The following COL11A1 variants were observed in gnomAD, a reference collection of about 807,000 sequenced individuals.
COL11A1 encodes collagen alpha-1(XI) chain.
Under a neutral mutation model 265.2 loss-of-function variants are expected in COL11A1, and 74 were observed. That is an observed-to-expected ratio of 0.28 (90% CI 0.23 to 0.34). The LOEUF is 0.34. COL11A1 is among the 10% of genes least tolerant of loss of function. The pLI is 1.00. For synonymous variants in COL11A1, 816 were observed against 727.6 expected (o/e 1.12, Z -1.96); for missense variants, 2,165 against 2,263.6 (o/e 0.96, Z 0.88).
chr1:103,064,036 T>C (rs1670878214), intron 4 of COL11A1, among the ~76,000 whole-genome samples: 1 of 152,110 alleles, frequency 6.6e-6, no homozygotes, highest in Non-Finnish European at 1.5e-5. Flanking sequence ...ATAGGGCTGT[T>C]TTGGGGCAAA....
intron 66 of COL11A1, 142 bp from the exon 67 acceptor site, chr1:102,878,307 T>C (rs1050422851): frequency 1.9e-5 from 13 of 674,636 alleles, no homozygotes; most frequent in East Asian, 8.6e-5. Context: ...ATCTATGTAA[T>C]AATTCTTATC....
Position 102,887,032 on chromosome 1 carries a change from G to GTCCAAT in COL11A1, c.4632_4633insATTGGA (p.Gln1544_Pro1545insIleGly). On this transcript the variant is annotated inframe_insertion, in exon 63 of 67. Coordinates refer to ENST00000370096, the MANE Select transcript of COL11A1 (RefSeq NM_001854.4). ...TTTTTGGAGGACAAGATTGGTAAAG[G>GTCCAAT]CTGAATGACTTCACCAGGTGGACCC... The GTCCAAT allele has an allele frequency of 6.2e-7, 1 of 1,613,802 alleles. No individual in the cohort carries two copies. Among genetic ancestry groups the GTCCAAT allele is most frequent in the Non-Finnish European group, 8.5e-7 (1 of 1,179,798 alleles).
chr1:103,009,413 T>C (rs1665919569), intron 14 of COL11A1, among the ~76,000 whole-genome samples: 1 of 151,748 alleles, frequency 6.6e-6, no homozygotes, highest in Non-Finnish European at 1.5e-5. Flanking sequence ...AAACTCCATC[T>C]CAAAAAATAA....
At chr1:103,023,145 C>T (rs1667238199) in intron 7 of COL11A1, 149 bp from the exon 8 acceptor site, 1 of 751,220 alleles carries the variant, frequency 1.3e-6, no homozygotes, top group Non-Finnish European at 2.2e-6. Flanking sequence ...AGTAGGCTTT[C>T]AGTATCATTG....
rs1432642387 is a variant in COL11A1 at position 102,987,692 on chromosome 1, G to A, written c.2443C>T (p.Pro815Ser). 6.2e-7 allele frequency: 1 copy of A among 1,613,516 alleles called. No individual in the cohort carries two copies. Among genetic ancestry groups the A allele is most frequent in the South Asian group, 1.1e-5 (1 of 91,078 alleles). Reference sequence around the variant, plus strand: ...CCAGTTGGGCCTGCTCGACCTTTGGGTCCTTCAGGGCCATCTTCCCCTCTT... The same window carrying A: ...CCAGTTGGGCCTGCTCGACCTTTGGATCCTTCAGGGCCATCTTCCCCTCTT... Reference protein sequence around the residue: ...GPRGEDGPEGPKGRAGPTGDP... With the variant: ...GPRGEDGPEGSKGRAGPTGDP... The change falls in exon 30 of 67, where the codon CCC becomes TCC. Residue 815 changes from proline to serine, a missense_variant. By Grantham distance (74) the Pro-to-Ser change is moderately conservative (BLOSUM62 -1). Coordinates refer to ENST00000370096, the MANE Select transcript of COL11A1 (RefSeq NM_001854.4).
intron 1 of COL11A1, among the ~76,000 whole-genome samples, chr1:103,084,792 C>A (rs1672724151): frequency 1.3e-5 from 2 of 152,128 alleles, no homozygotes; most frequent in Admixed American, 1.3e-4. Context: ...CTCTTGGAAA[C>A]TTCTACATTG....
Position 103,101,346 on chromosome 1 carries a change from G to A in COL11A1, c.106+6727C>T, listed in dbSNP as rs567564383. On this transcript the variant is annotated intron_variant, in intron 1 of 66. Coordinates refer to ENST00000370096, the MANE Select transcript of COL11A1 (RefSeq NM_001854.4). ...AGAGTAACAGTCAGCAGTAGGTTGAGCTCCACTCTTAGACTCTAAAGACAG... is the reference window on the plus strand; with the variant it reads ...AGAGTAACAGTCAGCAGTAGGTTGAACTCCACTCTTAGACTCTAAAGACAG... Among the ~76,000 whole-genome samples the A allele has an allele frequency of 1.1e-4, 16 of 152,102 alleles. No homozygotes were observed. The South Asian group carries it at 1.9e-3, about 18-fold the overall frequency.
intron 4 of COL11A1, among the ~76,000 whole-genome samples, chr1:103,037,663 T>G (rs1035915800): frequency 2.6e-5 from 4 of 152,278 alleles, no homozygotes; most frequent in Admixed American, 6.5e-5. Context: ...TCAATTATAA[T>G]TGAAAAATGA....
chr1:102,966,708 C>CACAG (rs140944610), intron 37 of COL11A1, among the ~76,000 whole-genome samples: 1 of 151,816 alleles, frequency 6.6e-6, no homozygotes, highest in Non-Finnish European at 1.5e-5. Context: ...TACATACACA[C>CACAG]ATACCTAAAC....
chr1:102,876,630 A>C lies in COL11A1; in HGVS notation c.*1389T>G, dbSNP rs1649533465. The C allele has an allele frequency of 6.6e-6, 1 of 152,532 alleles. No homozygotes were observed. The highest frequency in any genetic ancestry group is 1.5e-5 in the Non-Finnish European group (1 of 67,934). The allele number at this position is 152,532 out of a possible 1,614,324, so 9.4% of individuals were successfully genotyped here. ...TCTTTTGTCATAAATTATCAGTTGA[A>C]ACTGTTCCAGTGAAATCTGGTATCA... On this transcript the variant is annotated 3_prime_UTR_variant, in exon 67 of 67. Coordinates refer to ENST00000370096, the MANE Select transcript of COL11A1 (RefSeq NM_001854.4).
intron 8 of COL11A1, among the ~76,000 whole-genome samples, chr1:103,022,029 T>A (rs1022079284): frequency 7.1e-6 from 1 of 140,050 alleles, no homozygotes; most frequent in African/African-American, 2.6e-5. Flanking sequence ...TTTTTTTTTG[T>A]ATTTTTAGTA....
At chr1:102,962,355 G>T in intron 39 of COL11A1, 90 bp from the exon 40 acceptor site, 1 of 1,005,048 alleles carries the variant, frequency 9.9e-7, no homozygotes, top group African/African-American at 1.6e-5. Context: ...ACTACTGTAA[G>T]TAAAATGTGA....
At chr1:103,083,517 ACT>A (rs768207308) in intron 1 of COL11A1, among the ~76,000 whole-genome samples, 3 of 152,086 alleles carry the variant, frequency 2.0e-5, no homozygotes, top group Non-Finnish European at 4.4e-5. Context: ...TTATATGTAA[ACT>A]CTGTAAAATG....
chr1:102,938,177 G>A (rs1658345858), intron 44 of COL11A1, among the ~76,000 whole-genome samples: 1 of 152,002 alleles, frequency 6.6e-6, no homozygotes, highest in Admixed American at 6.6e-5. Context: ...TTTCCGTTAT[G>A]TGTTAATGTA....
intron 28 of COL11A1, among the ~76,000 whole-genome samples, chr1:102,995,304 G>C (rs1225023465): frequency 6.6e-6 from 1 of 151,970 alleles, no homozygotes; most frequent in Non-Finnish European, 1.5e-5. Context: ...GATGCCATAT[G>C]CATTCATAGT....
chr1:102,986,172 C>T (rs1663522413), intron 30 of COL11A1, among the ~76,000 whole-genome samples: 1 of 151,802 alleles, frequency 6.6e-6, no homozygotes, highest in African/African-American at 2.4e-5. Context: ...CCCAAATGTT[C>T]AACAATGATA....
chr1:103,080,989 A>G (rs1407695890), intron 2 of COL11A1, among the ~76,000 whole-genome samples: 1 of 151,796 alleles, frequency 6.6e-6, no homozygotes, highest in Non-Finnish European at 1.5e-5. Flanking sequence ...GAATCAACCC[A>G]CCATCTCCTA....
intron 45 of COL11A1, 92 bp downstream of exon 45, chr1:102,934,968 A>G: frequency 1.7e-6 from 2 of 1,183,636 alleles, no homozygotes; most frequent in South Asian, 1.3e-5. Flanking sequence ...AAAACTTATT[A>G]CCCCACAAAA....
At chr1:103,101,755 A>G (rs1674290295) in intron 1 of COL11A1, among the ~76,000 whole-genome samples, 1 of 151,514 alleles carries the variant, frequency 6.6e-6, no homozygotes. Context: ...AAAAAAAAAG[A>G]AGATTTGAGG....
Sources: allele counts gnomAD v4.1 joint callset (sites outside exome capture counted in the v4.1 genomes callset), GRCh38; gene constraint gnomAD v4.1.1; transcripts MANE v1.5; gene names NCBI Gene and HGNC (gene_info 2026-07-23, HGNC 2026-07-21).